MAMLD1: variants seen among roughly 807,000 people sequenced by gnomAD.
MAMLD1 encodes the protein mastermind-like domain-containing protein 1.
A neutral mutation model predicts 45.0 loss-of-function variants in MAMLD1; 14 were observed. The ratio of observed to expected loss-of-function variants is 0.31; its 90% CI spans 0.21 to 0.49. MAMLD1 has a LOEUF of 0.49. MAMLD1 is among the 20% of genes least tolerant of loss of function. The pLI, the probability that MAMLD1 is intolerant of heterozygous loss-of-function variation, is 0.99. For synonymous variants in MAMLD1, 254 were observed against 247.8 expected (o/e 1.02, Z -0.24); for missense variants, 543 against 603.6 (o/e 0.90, Z 1.05).
At chrX:150,413,304 T>C in intron 1 of MAMLD1, among the ~76,000 whole-genome samples, 1 of 111,219 alleles carries the variant, frequency 9.0e-6, no homozygotes, top group East Asian at 2.8e-4. Flanking sequence ...GTAAGTGTCA[T>C]ATGGTCGCTG....
At chrX:150,399,728 C>T (rs1372267062) in intron 1 of MAMLD1, among the ~76,000 whole-genome samples, 1 of 111,599 alleles carries the variant, frequency 9.0e-6, no homozygotes, top group Admixed American at 9.5e-5. Context: ...CTCAGAGCCT[C>T]CAGAAGGAAT....
chrX:150,378,366 G>A (rs1432324364), intron 1 of MAMLD1, among the ~76,000 whole-genome samples: 1 of 112,083 alleles, frequency 8.9e-6, no homozygotes, highest in African/African-American at 3.2e-5. Context: ...CCTATTCCTG[G>A]TGATTGTCAC....
Position 150,446,511 on chromosome X carries a change from A to T in MAMLD1, c.96+899A>T, listed in dbSNP as rs143673520. 3.6e-3 allele frequency among the ~76,000 whole-genome samples: 409 copies of T among 112,482 alleles called. 1 individual carries two copies. The highest frequency in any genetic ancestry group is 4.9e-3 in the Non-Finnish European group (259 of 53,271). On this transcript the variant is annotated intron_variant, in intron 2 of 7. Coordinates refer to ENST00000370401, the MANE Select transcript of MAMLD1 (RefSeq NM_005491.5). ...GCAAGTCAGCTTTCAATTTATTTTA[A>T]AATTCTGATATGTGCACAGATGTGG...
intron 1 of MAMLD1, among the ~76,000 whole-genome samples, chrX:150,390,865 T>A (rs935690934): frequency 1.9e-4 from 21 of 112,431 alleles, no homozygotes; most frequent in African/African-American, 5.8e-4. Flanking sequence ...AGCAACAACA[T>A]CTTTTAGTTT....
At chrX:150,421,091 C>T (rs1475170968) in intron 1 of MAMLD1, 1 of 116,359 alleles carries the variant, frequency 8.6e-6, no homozygotes, top group Admixed American at 9.3e-5. Flanking sequence ...CAGCGAGACT[C>T]CGTGGGCGTA....
At chrX:150,400,107 C>T (rs933406375) in intron 1 of MAMLD1, among the ~76,000 whole-genome samples, 1 of 112,021 alleles carries the variant, frequency 8.9e-6, no homozygotes, top group African/African-American at 3.2e-5. Context: ...GCTGAAGTAG[C>T]TCCCTCTTGG....
At chrX:150,497,283 CT>C (rs782269885) in intron 5 of MAMLD1, among the ~76,000 whole-genome samples, 5,952 of 84,893 alleles carry the variant, frequency 0.07, 140 homozygotes, top group Middle Eastern at 0.17. Flanking sequence ...TCTTTTTTTT[CT>C]TTTTTTTTTT....
At chrX:150,482,659 T>C (rs2036853675) in intron 5 of MAMLD1, among the ~76,000 whole-genome samples, 1 of 112,516 alleles carries the variant, frequency 8.9e-6, no homozygotes, top group Admixed American at 9.4e-5. Context: ...AACTGCTCAT[T>C]TTCCATCCCT....
intron 3 of MAMLD1, among the ~76,000 whole-genome samples, chrX:150,469,351 C>T (rs1272455715): frequency 6.2e-5 from 7 of 112,385 alleles, no homozygotes; most frequent in African/African-American, 2.3e-4. Flanking sequence ...TTTTGTTGAA[C>T]TCTCCTTGAA....
At chrX:150,488,081 TG>T (rs1366187583) in intron 5 of MAMLD1, among the ~76,000 whole-genome samples, 1 of 112,784 alleles carries the variant, frequency 8.9e-6, no homozygotes, top group Non-Finnish European at 1.9e-5. Flanking sequence ...AACACACAGC[TG>T]GAGAGTCCCA....
intron 6 of MAMLD1, among the ~76,000 whole-genome samples, chrX:150,506,688 C>A (rs1233605064): frequency 8.9e-6 from 1 of 112,656 alleles, no homozygotes; most frequent in Non-Finnish European, 1.9e-5. Flanking sequence ...TCTTCCCATG[C>A]AGTGGTGAGA....
At chrX:150,506,279 T>C (rs1395982985) in intron 6 of MAMLD1, among the ~76,000 whole-genome samples, 1 of 106,229 alleles carries the variant, frequency 9.4e-6, no homozygotes, top group African/African-American at 3.5e-5. Context: ...TCCCCTCTTC[T>C]GTCCTCCCTT....
intron 5 of MAMLD1, among the ~76,000 whole-genome samples, chrX:150,499,254 T>C (rs782416659): frequency 1.2e-4 from 13 of 111,965 alleles, no homozygotes; most frequent in Non-Finnish European, 2.4e-4. Context: ...TGAGGATCCA[T>C]TACCTTAATT....
rs1278510094 is a variant in MAMLD1 at position 150,369,848 on chromosome X, T to TG, written c.-64+6318_-64+6319insG. On this transcript the variant is annotated intron_variant, in intron 1 of 7. Transcript: ENST00000370401. ...TTTTCTTTTCTTCCTAATCCAGCTG[T>TG]TTTTTTTTAAATCACATTTCCAACT... Among the ~76,000 whole-genome samples, 13 of 38,474 alleles carry TG rather than the reference T, an allele frequency of 3.4e-4. No homozygotes were observed. In the South Asian group the frequency reaches 0.016, roughly 48 times the overall value. The allele number at this position is 38,474 out of a possible 115,157, so 33.4% of individuals were successfully genotyped here. A position where few individuals can be genotyped will look rare whatever the true frequency, so the allele number is the denominator to read the frequency against.
chrX:150,464,538 G>A (rs1469262398), intron 3 of MAMLD1, among the ~76,000 whole-genome samples: 1 of 112,039 alleles, frequency 8.9e-6, no homozygotes, highest in African/African-American at 3.2e-5. Context: ...CCAAATACAG[G>A]CATTGATACT....
intron 1 of MAMLD1, among the ~76,000 whole-genome samples, chrX:150,385,706 G>A (rs1433413897): frequency 1.8e-5 from 2 of 111,383 alleles, no homozygotes; most frequent in Non-Finnish European, 3.8e-5. Context: ...GGAGGTGGAA[G>A]AGGAGGCAGG....
chrX:150,403,902 AAG>A (rs1263088302), intron 1 of MAMLD1, among the ~76,000 whole-genome samples: 2 of 102,737 alleles, frequency 1.9e-5, no homozygotes, highest in Admixed American at 1.1e-4. Context: ...AAGAAAAAGA[AAG>A]AAGAAAGAAA....
intron 5 of MAMLD1, among the ~76,000 whole-genome samples, chrX:150,494,946 C>A (rs989398262): frequency 9.0e-6 from 1 of 110,849 alleles, no homozygotes; most frequent in Non-Finnish European, 1.9e-5. Flanking sequence ...TGGCTCACAC[C>A]TGTAATCCCA....
At chrX:150,426,865 A>T (rs2034722621) in intron 1 of MAMLD1, among the ~76,000 whole-genome samples, 1 of 112,097 alleles carries the variant, frequency 8.9e-6, no homozygotes, top group South Asian at 3.7e-4. Flanking sequence ...AAACATTTTT[A>T]TCCCCAATGT....
Sources: allele counts gnomAD v4.1 joint callset (sites outside exome capture counted in the v4.1 genomes callset), GRCh38; gene constraint gnomAD v4.1.1; transcripts MANE v1.5; gene names NCBI Gene and HGNC (gene_info 2026-07-23, HGNC 2026-07-21).